The following MYO1D variants were observed in gnomAD, a reference collection of about 807,000 sequenced individuals.
MYO1D encodes the protein unconventional myosin-Id.
MYO1D carries 83 observed loss-of-function variants against 122.0 expected under a neutral mutation model. The ratio of observed to expected loss-of-function variants is 0.68; its 90% CI spans 0.57 to 0.82. The LOEUF is 0.82. Ranked by LOEUF, MYO1D falls within the 40% of genes least tolerant of loss-of-function variation. The pLI, the probability that MYO1D is intolerant of heterozygous loss-of-function variation, is 0.00. For synonymous variants in MYO1D, 464 were observed against 446.9 expected (o/e 1.04, Z -0.48); for missense variants, 1,157 against 1,269.5 (o/e 0.91, Z 1.35).
chr17:32,643,367 T>C (rs370569105), intron 19 of MYO1D, among the ~76,000 whole-genome samples: 3 of 152,314 alleles, frequency 2.0e-5, no homozygotes, highest in South Asian at 4.1e-4. Context: ...TCATCAGGTA[T>C]ATTGGTCTAA....
chr17:32,656,875 A>G (rs2088484302), intron 17 of MYO1D, among the ~76,000 whole-genome samples: 1 of 152,168 alleles, frequency 6.6e-6, no homozygotes, highest in South Asian at 2.1e-4. Context: ...TGCTCTGTCT[A>G]CTGGTCTGTT....
At chr17:32,725,864 T>C (rs1188583355) in intron 14 of MYO1D, among the ~76,000 whole-genome samples, 1 of 152,036 alleles carries the variant, frequency 6.6e-6, no homozygotes, top group Admixed American at 6.6e-5. Flanking sequence ...AAAAAAAGAT[T>C]ACCTTAAGGA....
At chr17:32,560,493 T>C (rs1417671019) in intron 21 of MYO1D, among the ~76,000 whole-genome samples, 1 of 127,662 alleles carries the variant, frequency 7.8e-6, no homozygotes, top group Non-Finnish European at 1.6e-5. Context: ...GTTATGGAGA[T>C]ATTTAAGTAA....
chr17:32,802,418 ATT>A (rs1056540250), intron 1 of MYO1D, among the ~76,000 whole-genome samples: 2 of 152,270 alleles, frequency 1.3e-5, no homozygotes, highest in South Asian at 4.2e-4. Flanking sequence ...AAAGAAAAAA[ATT>A]TTTTTCTGGG....
intron 14 of MYO1D, chr17:32,727,473 C>T (rs1567968173): frequency 6.6e-6 from 1 of 152,184 alleles, no homozygotes; most frequent in Non-Finnish European, 1.5e-5. Flanking sequence ...AATTTACTGA[C>T]AGGGATAATT....
intron 1 of MYO1D, among the ~76,000 whole-genome samples, chr17:32,824,086 A>G (rs866311653): frequency 6.4e-4 from 96 of 150,502 alleles, no homozygotes; most frequent in African/African-American, 2.2e-3. Context: ...AAAAAAAAAG[A>G]AGTACTAAAG....
intron 1 of MYO1D, among the ~76,000 whole-genome samples, chr17:32,793,970 C>A (rs974377173): frequency 1.3e-5 from 2 of 152,200 alleles, no homozygotes; most frequent in African/African-American, 4.8e-5. Flanking sequence ...TGAGCAATAG[C>A]AGAAGTCATA....
intron 21 of MYO1D, among the ~76,000 whole-genome samples, chr17:32,561,996 CT>C (rs59585143): frequency 3.4e-5 from 5 of 148,164 alleles, no homozygotes; most frequent in African/African-American, 2.5e-5. Flanking sequence ...TCTTCTCTCT[CT>C]TTTTTTTTTG....
chr17:32,554,420 T>A (rs918672301), intron 21 of MYO1D, among the ~76,000 whole-genome samples: 1 of 152,240 alleles, frequency 6.6e-6, no homozygotes, highest in African/African-American at 2.4e-5. Flanking sequence ...CTTCTTCAGT[T>A]ATCTTTGAAA....
intron 15 of MYO1D, 56 bp from the exon 16 acceptor site, chr17:32,712,251 G>A: frequency 2.0e-6 from 3 of 1,470,738 alleles, no homozygotes; most frequent in Non-Finnish European, 2.8e-6. Flanking sequence ...CATCTCAATA[G>A]AAAACTATTC....
intron 14 of MYO1D, among the ~76,000 whole-genome samples, chr17:32,728,802 T>C (rs1387779844): frequency 6.6e-6 from 1 of 152,208 alleles, no homozygotes; most frequent in Non-Finnish European, 1.5e-5. Flanking sequence ...AGAGTATTAA[T>C]ACAACTTTAT....
At chr17:32,577,176 G>C (rs973548423) in intron 21 of MYO1D, among the ~76,000 whole-genome samples, 2 of 146,688 alleles carry the variant, frequency 1.4e-5, no homozygotes, top group African/African-American at 2.5e-5. Flanking sequence ...ACTTGAACCC[G>C]GGAGGCGGAG....
intron 15 of MYO1D, among the ~76,000 whole-genome samples, chr17:32,717,665 C>G (rs2089464400): frequency 6.6e-6 from 1 of 152,194 alleles, no homozygotes; most frequent in Non-Finnish European, 1.5e-5. Flanking sequence ...CCTTTCCTTA[C>G]ACTGTGAAGG....
rs1459415598 is a variant in MYO1D at position 32,493,449 on chromosome 17, A to C, written c.*1310T>G. The C allele has an allele frequency of 6.6e-6, 1 of 152,230 alleles. No homozygotes were observed. Among genetic ancestry groups the C allele is most frequent in the Non-Finnish European group, 1.5e-5 (1 of 68,166 alleles). 9.4% of individuals were successfully genotyped at this position (152,230 alleles called of 1,614,324 possible). On this transcript the variant is annotated 3_prime_UTR_variant, in exon 22 of 22. Coordinates refer to ENST00000318217, the MANE Select transcript of MYO1D (RefSeq NM_015194.3). The stretch of plus-strand genomic sequence containing the variant: ...GCAGGACGGGAAGAAGCTTCAGTAC[A>C]TCCCTCTCTTGCACCTCTGCCCACT...
chr17:32,718,566 T>C (rs2089473433), intron 15 of MYO1D, among the ~76,000 whole-genome samples: 1 of 152,026 alleles, frequency 6.6e-6, no homozygotes, highest in Non-Finnish European at 1.5e-5. Flanking sequence ...CTGGGTGTGG[T>C]GACGCGCCCC....
chr17:32,851,775 G>A (rs918044799), intron 1 of MYO1D, among the ~76,000 whole-genome samples: 4 of 152,126 alleles, frequency 2.6e-5, no homozygotes, highest in Admixed American at 6.5e-5. Context: ...CGCACAGTTC[G>A]CAATAGGGTT....
intron 19 of MYO1D, among the ~76,000 whole-genome samples, chr17:32,650,940 AAACTTT>A: frequency 6.6e-6 from 1 of 152,162 alleles, no homozygotes; most frequent in South Asian, 2.1e-4. Context: ...GTATGCTTGG[AAACTTT>A]TGAGTGGATG....
At chr17:32,683,654 G>C (rs1379360214) in intron 16 of MYO1D, among the ~76,000 whole-genome samples, 1 of 151,766 alleles carries the variant, frequency 6.6e-6, no homozygotes, top group Non-Finnish European at 1.5e-5. Flanking sequence ...TCTCTTCAAA[G>C]CTGTCAGACA....
At chr17:32,720,360 C>T (rs571912599) in intron 15 of MYO1D, among the ~76,000 whole-genome samples, 1 of 152,144 alleles carries the variant, frequency 6.6e-6, no homozygotes, top group East Asian at 1.9e-4. Flanking sequence ...TCTTATTTAA[C>T]CCTCTAGCAA....
Sources: gnomAD v4.1 joint callset for allele counts (sites outside exome capture counted in the v4.1 genomes callset) on GRCh38, gnomAD v4.1.1 for gene constraint, MANE v1.5 for transcripts, NCBI Gene and HGNC (gene_info 2026-07-23, HGNC 2026-07-21) for gene names.